Variants in GABPB1 observed in about 807,000 individuals in gnomAD.
GABPB1 encodes GA-binding protein subunit beta-1.
In GABPB1, 15 loss-of-function variants were observed where a neutral mutation model predicts 45.9. The observed-to-expected ratio is 0.33, with a 90% CI of 0.22 to 0.50. The LOEUF is 0.50. Among genes scored for constraint, GABPB1 ranks in the 20% least tolerant of loss-of-function variants. The pLI is 0.98. For missense variants in GABPB1, 252 were observed against 457.5 expected (o/e 0.55, Z 4.10); for synonymous variants, 143 against 154.4 (o/e 0.93, Z 0.55).
chr15:50,300,006 T>C (rs1342744478), intron 6 of GABPB1, among the ~76,000 whole-genome samples: 3 of 151,992 alleles, frequency 2.0e-5, no homozygotes, highest in Admixed American at 1.3e-4. Flanking sequence ...TTGGTAGAGA[T>C]AGGGTTTCAC....
intron 1 of GABPB1, among the ~76,000 whole-genome samples, chr15:50,313,860 T>C (rs2141063833): frequency 6.6e-6 from 1 of 152,288 alleles, no homozygotes; most frequent in South Asian, 2.1e-4. Context: ...AAATTTTTTT[T>C]CAAAGGGACA....
chr15:50,339,837 C>G (rs2048286915), intron 1 of GABPB1, among the ~76,000 whole-genome samples: 1 of 152,144 alleles, frequency 6.6e-6, no homozygotes, highest in South Asian at 2.1e-4. Flanking sequence ...CAGAACTTCC[C>G]AGGCACATGA....
intron 1 of GABPB1, chr15:50,354,702 G>A (rs1473221238): frequency 3.0e-6 from 1 of 337,348 alleles, no homozygotes; most frequent in Non-Finnish European, 5.6e-6. Flanking sequence ...GGCATGCTAG[G>A]GCCGAGGAGG....
intron 8 of GABPB1, among the ~76,000 whole-genome samples, chr15:50,284,409 A>G (rs2046089780): frequency 6.6e-6 from 1 of 152,210 alleles, no homozygotes; most frequent in Non-Finnish European, 1.5e-5. Context: ...AATCAAAACA[A>G]AGCAAGCAAA....
intron 1 of GABPB1, among the ~76,000 whole-genome samples, chr15:50,337,111 A>G (rs1047773387): frequency 7.8e-4 from 5 of 6,444 alleles, no homozygotes; most frequent in East Asian, 8.1e-3. Flanking sequence ...ATATATATAT[A>G]TATATATATA....
rs201476507 is a variant in GABPB1 at position 50,340,933 on chromosome 15, A to G, written c.-1+14052T>C. ...CCATATGTAATATTACATATTACAT[A>G]TGGTTTATTACCATATGTAATATTA... On this transcript the variant is annotated intron_variant, in intron 1 of 8. Transcript: ENST00000380877. Among the ~76,000 whole-genome samples the G allele has an allele frequency of 6.1e-3, 521 of 84,790 alleles. 72 individuals are homozygous for G. The highest frequency in any genetic ancestry group is 0.027 in the East Asian group (105 of 3,936). The allele number at this position is 84,790 out of a possible 152,430, so 55.6% of individuals were successfully genotyped here. A position where few individuals can be genotyped will look rare whatever the true frequency, so the allele number is the denominator to read the frequency against.
chr15:50,352,848 G>C (rs1465265974), intron 1 of GABPB1: 3 of 152,102 alleles, frequency 2.0e-5, no homozygotes, highest in African/African-American at 7.2e-5. Context: ...TTAAAATACG[G>C]CCTTAAATTT....
chr15:50,326,800 C>T (rs1285312968), intron 1 of GABPB1, among the ~76,000 whole-genome samples: 3 of 151,686 alleles, frequency 2.0e-5, no homozygotes, highest in East Asian at 1.9e-4. Context: ...CACTCCTACA[C>T]GCCAGCCTAG....
At chr15:50,287,824 CA>C in intron 7 of GABPB1, among the ~76,000 whole-genome samples, 1 of 152,318 alleles carries the variant, frequency 6.6e-6, no homozygotes, top group East Asian at 1.9e-4. Flanking sequence ...CAGCTATCAG[CA>C]GAAGATTTCA....
chr15:50,342,348 G>A (rs2048405265), intron 1 of GABPB1, among the ~76,000 whole-genome samples: 1 of 151,664 alleles, frequency 6.6e-6, no homozygotes, highest in Non-Finnish European at 1.5e-5. Context: ...ACCCTTATAG[G>A]AGTAAAGGCT....
At chr15:50,290,651 C>A (rs1052466819) in intron 6 of GABPB1, among the ~76,000 whole-genome samples, 1 of 151,590 alleles carries the variant, frequency 6.6e-6, no homozygotes, top group Non-Finnish European at 1.5e-5. Flanking sequence ...ACTCCATTTA[C>A]ATTTATGTGT....
chr15:50,315,385 G>A (rs2047284028), intron 1 of GABPB1, among the ~76,000 whole-genome samples: 1 of 152,170 alleles, frequency 6.6e-6, no homozygotes, highest in Non-Finnish European at 1.5e-5. Flanking sequence ...GCCTACTGCA[G>A]CCTCCCAAAG....
intron 1 of GABPB1, among the ~76,000 whole-genome samples, chr15:50,325,912 G>GC (rs1441031574): frequency 8.4e-5 from 12 of 142,838 alleles, no homozygotes; most frequent in Non-Finnish European, 1.8e-4. Flanking sequence ...GGTTTTTTTT[G>GC]TTTTTTTTTT....
chr15:50,283,715 T>A (rs575934805), intron 8 of GABPB1, among the ~76,000 whole-genome samples: 1 of 152,280 alleles, frequency 6.6e-6, no homozygotes, highest in African/African-American at 2.4e-5. Context: ...TTTTGCCATG[T>A]TGGCCAGGCT....
intron 1 of GABPB1, among the ~76,000 whole-genome samples, chr15:50,334,668 C>T (rs1236334049): frequency 3.3e-5 from 5 of 151,878 alleles, no homozygotes; most frequent in Non-Finnish European, 4.4e-5. Context: ...CCACTACACC[C>T]AGCTAATTTT....
At chr15:50,346,175 T>A (rs1027637120) in intron 1 of GABPB1, among the ~76,000 whole-genome samples, 25 of 151,206 alleles carry the variant, frequency 1.7e-4, no homozygotes, top group African/African-American at 5.1e-4. Flanking sequence ...GAAAAAAAAA[T>A]GTGCAAGCTT....
At chr15:50,340,563 AAAAAAAAAC>A (rs1478857367) in intron 1 of GABPB1, among the ~76,000 whole-genome samples, 6 of 151,674 alleles carry the variant, frequency 4.0e-5, no homozygotes, top group Non-Finnish European at 8.8e-5. Flanking sequence ...AAAAAAAAAA[AAAAAAAAAC>A]ATTACCACAT....
intron 1 of GABPB1, among the ~76,000 whole-genome samples, chr15:50,338,390 T>G (rs1010674155): frequency 6.6e-6 from 1 of 152,010 alleles, no homozygotes; most frequent in African/African-American, 2.4e-5. Flanking sequence ...TTGTCTCCAT[T>G]AGGTTAAACT....
chr15:50,350,488 T>C (rs555549153), intron 1 of GABPB1: 1 of 151,126 alleles, frequency 6.6e-6, no homozygotes, highest in Non-Finnish European at 1.5e-5. Context: ...CAAATTACAG[T>C]GTGGTTTAAA....
Sources: gnomAD v4.1 joint callset for allele counts (sites outside exome capture counted in the v4.1 genomes callset) on GRCh38, gnomAD v4.1.1 for gene constraint, MANE v1.5 for transcripts, NCBI Gene and HGNC (gene_info 2026-07-23, HGNC 2026-07-21) for gene names.